SLC7A14: variants seen among roughly 807,000 people sequenced by gnomAD.
SLC7A14 encodes solute carrier family 7 member 14.
A neutral mutation model predicts 60.2 loss-of-function variants in SLC7A14; 37 were observed. That is an observed-to-expected ratio of 0.61 (90% CI 0.47 to 0.81). The LOEUF (loss-of-function observed/expected upper bound fraction) is 0.81, where lower values mean the gene tolerates loss of function less well. Among genes scored for constraint, SLC7A14 ranks in the 30% least tolerant of loss-of-function variants. SLC7A14 has a pLI of 0.00. For missense variants in SLC7A14, 886 were observed against 982.7 expected, an observed-to-expected ratio of 0.90 and a Z score of 1.32; for synonymous variants, 399 against 395.8, an observed-to-expected ratio of 1.01 and a Z score of -0.10.
intron 4 of SLC7A14, chr3:170,496,713 T>G: frequency 1.2e-6 from 1 of 838,368 alleles, no homozygotes; most frequent in Non-Finnish European, 2.1e-6. Context: ...GTTCCGCCTA[T>G]GGGGGCCTCA....
intron 7 of SLC7A14, among the ~76,000 whole-genome samples, chr3:170,479,147 A>G (rs1231663704): frequency 8.6e-6 from 1 of 116,074 alleles, no homozygotes; most frequent in Non-Finnish European, 2.1e-5. Flanking sequence ...AACAAAACAA[A>G]CAAATAACAA....
intron 4 of SLC7A14, chr3:170,495,837 C>T: frequency 7.0e-6 from 8 of 1,140,980 alleles, no homozygotes; most frequent in South Asian, 3.7e-5. Context: ...GAAGATGGCT[C>T]GGATCAACGT....
intron 7 of SLC7A14, among the ~76,000 whole-genome samples, chr3:170,468,948 A>G (rs1739801675): frequency 6.6e-6 from 1 of 152,200 alleles, no homozygotes. Context: ...TGATTTAATT[A>G]GTCTGCAGTA....
In SLC7A14 at chr3:170,460,439, C is replaced by T. The variant is rs1480226169; in HGVS notation, c.*6616G>A. On this transcript the variant is annotated 3_prime_UTR_variant, in exon 8 of 8. Coordinates refer to ENST00000231706, the MANE Select transcript of SLC7A14 (RefSeq NM_020949.3). Reference sequence around the variant, plus strand: ...TATTTATGCACCATCATAACATTAACAGCATCTTTGCTTTGGAAAGTGGGG... The same window carrying T: ...TATTTATGCACCATCATAACATTAATAGCATCTTTGCTTTGGAAAGTGGGG... 2 of 152,206 alleles carry T rather than the reference C, an allele frequency of 1.3e-5. 1 individual carries two copies. Among genetic ancestry groups the T allele is most frequent in the Middle Eastern group, 6.3e-3 (2 of 316 alleles). 9.4% of individuals were successfully genotyped at this position (152,206 alleles called of 1,614,324 possible).
At chr3:170,558,632 C>A (rs1022290489) in intron 1 of SLC7A14, among the ~76,000 whole-genome samples, 1 of 152,108 alleles carries the variant, frequency 6.6e-6, no homozygotes, top group Non-Finnish European at 1.5e-5. Context: ...TTTCAGATTA[C>A]CATGGTAGAT....
intron 1 of SLC7A14, among the ~76,000 whole-genome samples, chr3:170,576,778 A>G (rs1715103125): frequency 6.6e-6 from 1 of 152,172 alleles, no homozygotes; most frequent in South Asian, 2.1e-4. Context: ...TGTCTAATGC[A>G]GGATATTTAA....
chr3:170,501,086 G>T (rs1256958282), intron 3 of SLC7A14, 23 bp downstream of exon 3: 1 of 1,609,828 alleles, frequency 6.2e-7, no homozygotes, highest in East Asian at 2.2e-5. Context: ...CATGTTGAGG[G>T]TAGGAGGATG....
chr3:170,478,499 T>C (rs1577497797), intron 7 of SLC7A14, among the ~76,000 whole-genome samples: 1 of 152,120 alleles, frequency 6.6e-6, no homozygotes, highest in Non-Finnish European at 1.5e-5. Context: ...TGGGACAAAA[T>C]GCTTACAGGA....
intron 2 of SLC7A14, among the ~76,000 whole-genome samples, chr3:170,506,300 T>G (rs1348751934): frequency 6.6e-6 from 1 of 152,236 alleles, no homozygotes; most frequent in Non-Finnish European, 1.5e-5. Flanking sequence ...ATAAATCTAT[T>G]GTAAACAGAT....
intron 1 of SLC7A14, among the ~76,000 whole-genome samples, chr3:170,528,290 T>C (rs1348594878): frequency 1.3e-5 from 2 of 152,206 alleles, no homozygotes; most frequent in African/African-American, 2.4e-5. Flanking sequence ...AGGTAATTTC[T>C]AAAGTTTAGT....
At chr3:170,517,262 A>T (rs911598782) in intron 2 of SLC7A14, among the ~76,000 whole-genome samples, 1 of 152,180 alleles carries the variant, frequency 6.6e-6, no homozygotes, top group African/African-American at 2.4e-5. Context: ...TATGATTTTG[A>T]CATATGGCTG....
chr3:170,467,512 T>C (rs951272169), intron 7 of SLC7A14, 135 bp from the exon 8 acceptor site: 2 of 681,026 alleles, frequency 2.9e-6, no homozygotes, highest in African/African-American at 3.6e-5. Context: ...GTATTTTCTT[T>C]GCTTTATGTG....
intron 1 of SLC7A14, among the ~76,000 whole-genome samples, chr3:170,534,113 TAACA>T (rs1261252491): frequency 1.3e-5 from 2 of 152,236 alleles, no homozygotes; most frequent in South Asian, 2.1e-4. Flanking sequence ...TTTGCTGTAG[TAACA>T]AACAACCCCA....
chr3:170,472,343 T>C (rs1355076350), intron 7 of SLC7A14, among the ~76,000 whole-genome samples: 1 of 148,312 alleles, frequency 6.7e-6, no homozygotes, highest in East Asian at 2.0e-4. Context: ...CACTCCAGCC[T>C]GGGCGACAGA....
chr3:170,524,514 T>TA (rs11376668), intron 2 of SLC7A14, among the ~76,000 whole-genome samples: 108,909 of 152,024 alleles, frequency 0.72, 39,172 homozygotes, highest in Middle Eastern at 0.79. Flanking sequence ...TGGGTCAAAA[T>TA]GGATGAGATC....
intron 7 of SLC7A14, among the ~76,000 whole-genome samples, chr3:170,472,088 G>A (rs1739925491): frequency 6.6e-6 from 1 of 152,098 alleles, no homozygotes; most frequent in Non-Finnish European, 1.5e-5. Flanking sequence ...CAATATTCTG[G>A]CTGGGCACGG....
intron 4 of SLC7A14, chr3:170,495,885 G>A: frequency 7.3e-7 from 1 of 1,362,264 alleles, no homozygotes; most frequent in East Asian, 2.3e-5. Context: ...GCGGCAGCTG[G>A]AGGCTCTGGG....
At position 170,460,167 on chromosome 3, in the gene SLC7A14, C is replaced by T. The variant is rs1358390324; in HGVS notation, c.*6888G>A. ...CAAAAAAAGATAGCAGAGAACAACA[C>T]TAGGAATTACCATCTGTAAATGCAA... On this transcript the variant is annotated 3_prime_UTR_variant, in exon 8 of 8. Coordinates refer to ENST00000231706, the MANE Select transcript of SLC7A14 (RefSeq NM_020949.3). 1 of 152,148 alleles carries T rather than the reference C, an allele frequency of 6.6e-6. No individual in the cohort carries two copies. The highest frequency in any genetic ancestry group is 2.4e-5 in the African/African-American group (1 of 41,430). 9.4% of individuals were successfully genotyped at this position (152,148 alleles called of 1,614,324 possible).
chr3:170,519,351 T>C (rs1243618929), intron 2 of SLC7A14, among the ~76,000 whole-genome samples: 2 of 152,216 alleles, frequency 1.3e-5, no homozygotes, highest in Non-Finnish European at 2.9e-5. Context: ...AATTCTGTAA[T>C]TCTGGAGTTG....
Sources: gnomAD v4.1 joint callset for allele counts (sites outside exome capture counted in the v4.1 genomes callset) on GRCh38, gnomAD v4.1.1 for gene constraint, MANE v1.5 for transcripts, NCBI Gene and HGNC (gene_info 2026-07-23, HGNC 2026-07-21) for gene names.